The following AFG2A variants were observed in gnomAD, a reference collection of about 807,000 sequenced individuals.
AFG2A encodes the protein AAA ATPase AFG2A.
chr4:123,005,862 C>A, the AFG2A span, among the ~76,000 whole-genome samples: 1 of 152,144 alleles, frequency 6.6e-6, no homozygotes, highest in Non-Finnish European at 1.5e-5. Context: ...TTTACTTTTG[C>A]ATATATTGTA....
the AFG2A span, among the ~76,000 whole-genome samples, chr4:123,137,968 A>G: frequency 6.6e-6 from 1 of 152,132 alleles, no homozygotes; most frequent in African/African-American, 2.4e-5. Context: ...CTAGGTCAAG[A>G]AGATAGGGAA....
the AFG2A span, among the ~76,000 whole-genome samples, chr4:123,255,715 CTA>C: frequency 0.073 from 7,564 of 103,628 alleles, 747 homozygotes; most frequent in Non-Finnish European, 0.092. Context: ...TACTGCTTTT[CTA>C]TTTTTTTTTT....
chr4:123,259,210 A>T, the AFG2A span, among the ~76,000 whole-genome samples: 1 of 152,120 alleles, frequency 6.6e-6, no homozygotes, highest in Non-Finnish European at 1.5e-5. Flanking sequence ...TACTTTAAAA[A>T]ATTATTTTCT....
At chr4:123,071,485 C>A in the AFG2A span, among the ~76,000 whole-genome samples, 12 of 139,992 alleles carry the variant, frequency 8.6e-5, no homozygotes, top group African/African-American at 1.3e-4. Context: ...CGTCCCCCTC[C>A]AAAAAAAAAA....
At chr4:123,055,735 G>C in the AFG2A span, among the ~76,000 whole-genome samples, 2 of 152,118 alleles carry the variant, frequency 1.3e-5, no homozygotes, top group Non-Finnish European at 2.9e-5. Context: ...GGGAGAGAGA[G>C]ACACACACAC....
At chr4:123,165,149 T>A in the AFG2A span, among the ~76,000 whole-genome samples, 1 of 152,168 alleles carries the variant, frequency 6.6e-6, no homozygotes, top group African/African-American at 2.4e-5. Context: ...ATTCCCTTTA[T>A]ATGAAATGTC....
chr4:123,094,606 A>G, the AFG2A span, among the ~76,000 whole-genome samples: 1 of 152,150 alleles, frequency 6.6e-6, no homozygotes, highest in African/African-American at 2.4e-5. Context: ...AGGCCATAAC[A>G]GCAGTCAGAA....
chr4:122,925,543 C>T, the AFG2A span, among the ~76,000 whole-genome samples: 1 of 152,148 alleles, frequency 6.6e-6, no homozygotes, highest in South Asian at 2.1e-4. Context: ...CGCCATACCC[C>T]CTTCTGCCCA....
chr4:123,279,308 G>C, the AFG2A span, among the ~76,000 whole-genome samples: 2 of 151,936 alleles, frequency 1.3e-5, no homozygotes, highest in African/African-American at 4.8e-5. Context: ...CCCAGCTGAG[G>C]CTGGGGCAAG....
At chr4:123,189,784 T>G in the AFG2A span, among the ~76,000 whole-genome samples, 9 of 150,212 alleles carry the variant, frequency 6.0e-5, no homozygotes, top group Non-Finnish European at 1.0e-4. Flanking sequence ...TAATTTTAAT[T>G]TAATCCATTT....
the AFG2A span, among the ~76,000 whole-genome samples, chr4:123,214,109 A>G: frequency 1.3e-5 from 2 of 152,158 alleles, no homozygotes; most frequent in African/African-American, 4.8e-5. Context: ...AATAGCTTAC[A>G]TGAAATAAAT....
the AFG2A span, chr4:123,314,129 T>C: frequency 2.1e-6 from 3 of 1,396,398 alleles, no homozygotes; most frequent in Non-Finnish European, 2.8e-6. Context: ...TTTTAAAATT[T>C]TTTGAGAGTG....
chr4:122,947,155 A>G, the AFG2A span: 4 of 1,394,070 alleles, frequency 2.9e-6, no homozygotes, highest in African/African-American at 4.3e-5. Flanking sequence ...ATCCTTGTCT[A>G]TACAGCCAGT....
chr4:123,238,616 C>T, the AFG2A span, among the ~76,000 whole-genome samples: 1 of 152,204 alleles, frequency 6.6e-6, no homozygotes, highest in African/African-American at 2.4e-5. Context: ...GAAAAACTAA[C>T]AAACCAAAAG....
At chr4:123,020,726 T>G in the AFG2A span, among the ~76,000 whole-genome samples, 2 of 152,214 alleles carry the variant, frequency 1.3e-5, no homozygotes, top group Non-Finnish European at 2.9e-5. Flanking sequence ...TGATTGTCCA[T>G]TCTTTAAGTA....
At chr4:122,975,076 C>T in the AFG2A span, among the ~76,000 whole-genome samples, 9 of 152,108 alleles carry the variant, frequency 5.9e-5, no homozygotes, top group Non-Finnish European at 1.2e-4. Flanking sequence ...CGTCTTAGTC[C>T]AGTTTCTGCT....
the AFG2A span, among the ~76,000 whole-genome samples, chr4:123,093,542 G>A: frequency 6.6e-6 from 1 of 152,138 alleles, no homozygotes; most frequent in Non-Finnish European, 1.5e-5. Flanking sequence ...GCCCCATGTG[G>A]ACTAGATCCT....
At chr4:122,923,428 C>T in the AFG2A span, 9 of 1,327,118 alleles carry the variant, frequency 6.8e-6, no homozygotes, top group Non-Finnish European at 7.3e-6. Flanking sequence ...GGTCTGAGAG[C>T]GGCACAGAAG....
chr4:123,232,619 A>G, the AFG2A span, among the ~76,000 whole-genome samples: 1 of 152,030 alleles, frequency 6.6e-6, no homozygotes, highest in Non-Finnish European at 1.5e-5. Context: ...TTCTTTAGCT[A>G]TGAGTGTGGA....
Sources: allele counts gnomAD v4.1 joint callset (sites outside exome capture counted in the v4.1 genomes callset), GRCh38; gene constraint gnomAD v4.1.1; transcripts MANE v1.5; gene names NCBI Gene and HGNC (gene_info 2026-07-23, HGNC 2026-07-21).